Variants in PDE4D observed in about 807,000 individuals in gnomAD.
PDE4D encodes phosphodiesterase 4D.
Under a neutral mutation model 87.4 loss-of-function variants are expected in PDE4D, and 24 were observed. That is an observed-to-expected ratio of 0.27 (90% CI 0.20 to 0.39). The LOEUF (loss-of-function observed/expected upper bound fraction) is 0.39. Among genes scored for constraint, PDE4D ranks in the 10% least tolerant of loss-of-function variants. PDE4D has a pLI of 1.00. For synonymous variants in PDE4D, 384 were observed against 383.2 expected (o/e 1.00, Z -0.02); for missense variants, 714 against 1,041.0 (o/e 0.69, Z 4.32).
chr5:59,275,003 T>C (rs1764534386), intron 1 of PDE4D, among the ~76,000 whole-genome samples: 1 of 152,140 alleles, frequency 6.6e-6, no homozygotes, highest in Non-Finnish European at 1.5e-5. Flanking sequence ...ACCAGCCTGC[T>C]TGCAGCAAGC....
At chr5:59,955,088 A>AAAGTAATCAATGCAAGTATTTAAT (rs2152806777) in intron 3 of PDE4D, among the ~76,000 whole-genome samples, 1 of 152,300 alleles carries the variant, frequency 6.6e-6, no homozygotes, top group South Asian at 2.1e-4. Context: ...TGCCCATTCT[A>AAAGTAATCAATGCAAGTATTTAAT]AAGTAATCAA....
chr5:59,106,430 G>A (rs1391938257), intron 5 of PDE4D, among the ~76,000 whole-genome samples: 1 of 152,150 alleles, frequency 6.6e-6, no homozygotes, highest in Non-Finnish European at 1.5e-5. Context: ...ATTTTTCCAA[G>A]GTAAGACATT....
At chr5:59,750,191 A>G (rs572145228) in intron 1 of PDE4D, among the ~76,000 whole-genome samples, 10 of 144,842 alleles carry the variant, frequency 6.9e-5, no homozygotes, top group Non-Finnish European at 1.2e-4. Context: ...CTCTGCTTCC[A>G]TTTTCCCCAC....
intron 1 of PDE4D, among the ~76,000 whole-genome samples, chr5:59,326,434 G>GC (rs570831598): frequency 0.013 from 1,893 of 150,384 alleles, 20 homozygotes; most frequent in Middle Eastern, 0.034. Flanking sequence ...CTATAGAGTA[G>GC]CCCCCCCCAA....
At chr5:59,916,012 A>ATGG (rs1754000758) in intron 3 of PDE4D, among the ~76,000 whole-genome samples, 1 of 152,218 alleles carries the variant, frequency 6.6e-6, no homozygotes, top group African/African-American at 2.4e-5. Context: ...CCTAGTCCCC[A>ATGG]GAACTATCTA....
At chr5:59,604,069 G>T (rs1827863939) in intron 1 of PDE4D, among the ~76,000 whole-genome samples, 1 of 147,710 alleles carries the variant, frequency 6.8e-6, no homozygotes, top group East Asian at 2.0e-4. Context: ...AATTTACTTA[G>T]ATGTATATCA....
intron 1 of PDE4D, among the ~76,000 whole-genome samples, chr5:59,243,391 A>G (rs529049334): frequency 6.6e-6 from 1 of 151,328 alleles, no homozygotes; most frequent in East Asian, 1.9e-4. Flanking sequence ...TAATAAATAT[A>G]TAAATGTTTT....
intron 5 of PDE4D, among the ~76,000 whole-genome samples, chr5:59,098,528 T>C (rs1770153629): frequency 7.7e-6 from 1 of 129,498 alleles, no homozygotes; most frequent in African/African-American, 3.0e-5. Flanking sequence ...TGAGACCTCA[T>C]CTCTACAAAA....
At chr5:60,124,709 C>T (rs1778980658) in intron 2 of PDE4D, among the ~76,000 whole-genome samples, 1 of 152,110 alleles carries the variant, frequency 6.6e-6, no homozygotes, top group Non-Finnish European at 1.5e-5. Context: ...TGCCTAAATT[C>T]TTTAAAGTAA....
intron 1 of PDE4D, among the ~76,000 whole-genome samples, chr5:59,751,963 G>A (rs1374455461): frequency 6.6e-6 from 1 of 152,162 alleles, no homozygotes; most frequent in Non-Finnish European, 1.5e-5. Flanking sequence ...TCAGTAGGGT[G>A]CCTGGGACTT....
At chr5:59,194,474 C>G (rs1745019098) in intron 2 of PDE4D, among the ~76,000 whole-genome samples, 1 of 152,092 alleles carries the variant, frequency 6.6e-6, no homozygotes, top group South Asian at 2.1e-4. Flanking sequence ...AAACAACACC[C>G]ATGAAACATG....
At chr5:59,339,319 T>C in intron 1 of PDE4D, among the ~76,000 whole-genome samples, 1 of 152,238 alleles carries the variant, frequency 6.6e-6, no homozygotes, top group East Asian at 1.9e-4. Flanking sequence ...CAAAGCCATT[T>C]TCCTTAGTAA....
chr5:59,343,072 T>A (rs1351975497), intron 1 of PDE4D, among the ~76,000 whole-genome samples: 1 of 151,980 alleles, frequency 6.6e-6, no homozygotes, highest in African/African-American at 2.4e-5. Context: ...CTAGTATCCA[T>A]TAGTTATTTT....
intron 1 of PDE4D, among the ~76,000 whole-genome samples, chr5:59,332,250 T>G (rs1007053266): frequency 6.6e-6 from 1 of 152,212 alleles, no homozygotes; most frequent in African/African-American, 2.4e-5. Flanking sequence ...GTTATTTTTC[T>G]TCCCAAAACA....
At chr5:59,830,056 A>G (rs1054933140) in intron 1 of PDE4D, among the ~76,000 whole-genome samples, 1 of 152,100 alleles carries the variant, frequency 6.6e-6, no homozygotes, top group Non-Finnish European at 1.5e-5. Flanking sequence ...CCAGACAAGT[A>G]CACTGTTTAC....
At chr5:59,719,441 A>G (rs1330806793) in intron 1 of PDE4D, among the ~76,000 whole-genome samples, 2 of 152,122 alleles carry the variant, frequency 1.3e-5, no homozygotes, top group Non-Finnish European at 2.9e-5. Context: ...ATGAGTTTTG[A>G]GTATTGATTA....
chr5:59,813,588 C>A lies in PDE4D; in HGVS notation c.455+79580G>T, dbSNP rs369702801. On this transcript the variant is annotated intron_variant, in intron 1 of 14. Transcript: ENST00000340635. The stretch of plus-strand genomic sequence containing the variant: ...GACAAACATGAAAATAATTCCTAAG[C>A]CAATAAAATTATTTTCAAGTTTTTC... Among the ~76,000 whole-genome samples the A allele has an allele frequency of 4.6e-5, 7 of 151,984 alleles. No homozygotes were observed. The South Asian group carries it at 1.5e-3, about 32-fold the overall frequency.
chr5:59,361,311 C>G (rs1782186713), intron 1 of PDE4D, among the ~76,000 whole-genome samples: 1 of 152,090 alleles, frequency 6.6e-6, no homozygotes, highest in African/African-American at 2.4e-5. Flanking sequence ...GACTCAAATT[C>G]TTTAAAAATC....
chr5:60,460,809 G>GTA, intron 1 of PDE4D: 1 of 533,980 alleles, frequency 1.9e-6, no homozygotes, highest in Non-Finnish European at 3.3e-6. Context: ...GAACACTCTG[G>GTA]TATAAGATTT....
Sources: gnomAD v4.1 joint callset for allele counts (sites outside exome capture counted in the v4.1 genomes callset) on GRCh38, gnomAD v4.1.1 for gene constraint, MANE v1.5 for transcripts, NCBI Gene and HGNC (gene_info 2026-07-23, HGNC 2026-07-21) for gene names.